The following TENM2 variants were observed in gnomAD, a reference collection of about 807,000 sequenced individuals.
The protein encoded by TENM2 is teneurin transmembrane protein 2, also known as teneurin-2.
A neutral mutation model predicts 245.2 loss-of-function variants in TENM2; 52 were observed. That is an observed-to-expected ratio of 0.21 (90% CI 0.17 to 0.27). The LOEUF is 0.27. Among genes scored for constraint, TENM2 ranks in the 10% least tolerant of loss-of-function variants. The probability of loss-of-function intolerance (pLI) is 1.00; values close to 1 mark genes in which losing one functional copy is unlikely to be tolerated. For synonymous variants in TENM2, 1,363 were observed against 1,438.9 expected (o/e 0.95, Z 1.19); for missense variants, 3,046 against 3,666.8 (o/e 0.83, Z 4.37).
chr5:167,371,392 G>C (rs1401177811), intron 1 of TENM2, among the ~76,000 whole-genome samples: 1 of 106,840 alleles, frequency 9.4e-6, no homozygotes, highest in Non-Finnish European at 1.8e-5. Context: ...TTTCGCTCTT[G>C]TTGCCCAGGC....
chr5:167,335,394 A>T (rs1757697599), intron 1 of TENM2, among the ~76,000 whole-genome samples: 1 of 152,210 alleles, frequency 6.6e-6, no homozygotes, highest in African/African-American at 2.4e-5. Context: ...ACTGGGGGTT[A>T]CATTTCAACA....
chr5:168,135,875 T>A (rs1477916350), intron 12 of TENM2, among the ~76,000 whole-genome samples: 1 of 152,152 alleles, frequency 6.6e-6, no homozygotes, highest in East Asian at 1.9e-4. Flanking sequence ...CAGTGTTTTT[T>A]TGGTTTTGGG....
chr5:167,905,051 A>T (rs938537659), intron 3 of TENM2, among the ~76,000 whole-genome samples: 18 of 152,226 alleles, frequency 1.2e-4, no homozygotes, highest in African/African-American at 4.1e-4. Flanking sequence ...ACAGCATTTC[A>T]TAAAACACAT....
intron 12 of TENM2, among the ~76,000 whole-genome samples, chr5:168,152,620 G>T (rs1243996029): frequency 1.3e-5 from 2 of 152,132 alleles, no homozygotes; most frequent in Non-Finnish European, 1.5e-5. Context: ...TTCATTATTT[G>T]CTGGACAGCT....
intron 4 of TENM2, among the ~76,000 whole-genome samples, chr5:167,976,404 GATATTTATGATAT>G (rs1782449760): frequency 6.6e-6 from 1 of 152,104 alleles, no homozygotes; most frequent in African/African-American, 2.4e-5. Flanking sequence ...AGAGTACTGG[GATATTTATGATAT>G]TTAAGTATTA....
chr5:168,167,059 C>T (rs1278621139), intron 13 of TENM2, among the ~76,000 whole-genome samples: 3 of 151,884 alleles, frequency 2.0e-5, no homozygotes. Context: ...AGCTGGCAGA[C>T]TGTCTTTTTA....
intron 10 of TENM2, among the ~76,000 whole-genome samples, chr5:168,120,059 T>C (rs1259549828): frequency 6.6e-6 from 1 of 152,218 alleles, no homozygotes; most frequent in Admixed American, 6.5e-5. Context: ...GCTTTGTACT[T>C]AGATACACCC....
At chr5:168,141,431 T>C (rs992217049) in intron 12 of TENM2, among the ~76,000 whole-genome samples, 1 of 152,200 alleles carries the variant, frequency 6.6e-6, no homozygotes, top group African/African-American at 2.4e-5. Flanking sequence ...CTAGACTTAC[T>C]GGCATTGGAA....
intron 12 of TENM2, among the ~76,000 whole-genome samples, chr5:168,152,509 T>A (rs1756739197): frequency 6.6e-6 from 1 of 152,210 alleles, no homozygotes; most frequent in Non-Finnish European, 1.5e-5. Flanking sequence ...CTCCTGTGGC[T>A]ATAAGGATGC....
intron 2 of TENM2, among the ~76,000 whole-genome samples, chr5:167,389,311 A>C (rs1761625713): frequency 6.6e-6 from 1 of 151,324 alleles, no homozygotes; most frequent in African/African-American, 2.4e-5. Flanking sequence ...AATCACCTAT[A>C]ATTTGACACC....
At chr5:167,298,652 AAGG>A (rs541754974) in intron 1 of TENM2, among the ~76,000 whole-genome samples, 1,676 of 152,322 alleles carry the variant, frequency 0.011, 37 homozygotes, top group African/African-American at 0.038. Flanking sequence ...GGAATAAGAG[AAGG>A]AGAAAAACAG....
chr5:167,164,521 G>A, the TENM2 span, among the ~76,000 whole-genome samples: 77 of 152,154 alleles, frequency 5.1e-4, no homozygotes, highest in Non-Finnish European at 9.4e-4. Flanking sequence ...AACATTATAA[G>A]TATTTAGGAA....
the TENM2 span, among the ~76,000 whole-genome samples, chr5:167,023,931 G>A: frequency 6.6e-6 from 1 of 152,096 alleles, no homozygotes; most frequent in Non-Finnish European, 1.5e-5. Context: ...TATTTAAGAA[G>A]GCTTGCTAAT....
intron 1 of TENM2, among the ~76,000 whole-genome samples, chr5:167,311,410 T>C (rs935034992): frequency 9.9e-5 from 15 of 152,220 alleles, no homozygotes; most frequent in Admixed American, 2.6e-4. Context: ...ATGTGGAATG[T>C]ATTTTCAAAA....
chr5:167,791,894 A>G (rs1765001784), intron 2 of TENM2, among the ~76,000 whole-genome samples: 1 of 152,140 alleles, frequency 6.6e-6, no homozygotes, highest in African/African-American at 2.4e-5. Flanking sequence ...TTCAGATGGA[A>G]CATACATTTT....
the TENM2 span, among the ~76,000 whole-genome samples, chr5:167,138,533 G>T: frequency 6.6e-6 from 1 of 151,718 alleles, no homozygotes; most frequent in Non-Finnish European, 1.5e-5. Context: ...CTTGGCCAAT[G>T]CATTGAACTT....
intron 3 of TENM2, among the ~76,000 whole-genome samples, chr5:167,923,789 G>A (rs1363775423): frequency 6.6e-6 from 1 of 152,058 alleles, no homozygotes; most frequent in Non-Finnish European, 1.5e-5. Context: ...ATTAACTCTC[G>A]GGAAGGAAGC....
chr5:168,061,044 G>A (rs6555782), intron 6 of TENM2, among the ~76,000 whole-genome samples: 84,999 of 151,984 alleles, frequency 0.56, 24,205 homozygotes, highest in African/African-American at 0.62. Context: ...AAAAGTGATC[G>A]GGGGTTCCAG....
intron 2 of TENM2, among the ~76,000 whole-genome samples, chr5:167,863,339 G>A (rs73370968): frequency 0.019 from 2,941 of 152,182 alleles, 79 homozygotes; most frequent in African/African-American, 0.067. Flanking sequence ...TGCTGGCCAG[G>A]CACAGTGGCT....
Sources: gnomAD v4.1 joint callset for allele counts (sites outside exome capture counted in the v4.1 genomes callset) on GRCh38, gnomAD v4.1.1 for gene constraint, MANE v1.5 for transcripts, NCBI Gene and HGNC (gene_info 2026-07-23, HGNC 2026-07-21) for gene names.